Variants in VRK1 observed in about 807,000 individuals in gnomAD.
The protein encoded by VRK1 is serine/threonine-protein kinase VRK1.
VRK1 carries 33 observed loss-of-function variants against 57.1 expected under a neutral mutation model. The observed-to-expected ratio is 0.58, with a 90% CI of 0.44 to 0.77. VRK1 has a LOEUF of 0.77. Ranked by LOEUF, VRK1 falls within the 30% of genes least tolerant of loss-of-function variation. The pLI is 0.00. For missense variants in VRK1, 413 were observed against 477.3 expected (o/e 0.87, Z 1.25); for synonymous variants, 137 against 147.8 (o/e 0.93, Z 0.53).
chr14:96,855,470 A>T (rs1888118548), intron 8 of VRK1, 114 bp downstream of exon 8: 7 of 1,516,890 alleles, frequency 4.6e-6, no homozygotes, highest in Non-Finnish European at 6.3e-6. Flanking sequence ...TTGAAAAGGC[A>T]CAGTGGCATG....
chr14:96,865,639 G>A (rs1180452874), intron 11 of VRK1, among the ~76,000 whole-genome samples: 1 of 152,148 alleles, frequency 6.6e-6, no homozygotes, highest in Non-Finnish European at 1.5e-5. Context: ...CATAGCCATA[G>A]TAGGCCCCTA....
intron 11 of VRK1, among the ~76,000 whole-genome samples, chr14:96,861,264 A>G (rs1595681336): frequency 6.6e-6 from 1 of 152,192 alleles, no homozygotes; most frequent in South Asian, 2.1e-4. Flanking sequence ...GAAATGTTAA[A>G]TAATGAACTT....
At chr14:96,856,499 T>A (rs780364595) in intron 9 of VRK1, 29 bp from the exon 10 acceptor site, 1 of 1,580,416 alleles carries the variant, frequency 6.3e-7, no homozygotes, top group Admixed American at 1.7e-5. Flanking sequence ...ACATCAAGCT[T>A]CAGTGACTCA....
chr14:96,809,353 C>T (rs779577475), intron 1 of VRK1, among the ~76,000 whole-genome samples: 12 of 152,158 alleles, frequency 7.9e-5, no homozygotes, highest in Non-Finnish European at 1.6e-4. Flanking sequence ...AAAACTACCA[C>T]AAATTACATA....
intron 3 of VRK1, among the ~76,000 whole-genome samples, chr14:96,841,919 C>A (rs748977287): frequency 6.6e-6 from 1 of 151,964 alleles, no homozygotes; most frequent in South Asian, 2.1e-4. Flanking sequence ...TTTGTAACTT[C>A]TATTTGCTTC....
At chr14:96,858,735 TG>T (rs1365533329) in intron 10 of VRK1, among the ~76,000 whole-genome samples, 20 of 152,324 alleles carry the variant, frequency 1.3e-4, no homozygotes, top group Admixed American at 6.5e-4. Flanking sequence ...TTTTTTCAAT[TG>T]TCCTTTTTGC....
chr14:96,803,558 GTCTA>G (rs1433888577), intron 1 of VRK1, among the ~76,000 whole-genome samples: 1 of 152,138 alleles, frequency 6.6e-6, no homozygotes, highest in Non-Finnish European at 1.5e-5. Flanking sequence ...TCATAAGTAT[GTCTA>G]TCTAATGTAT....
At chr14:96,813,093 G>A (rs1027437405) in intron 1 of VRK1, among the ~76,000 whole-genome samples, 9 of 152,312 alleles carry the variant, frequency 5.9e-5, no homozygotes, top group African/African-American at 1.7e-4. Context: ...GGATACCAAG[G>A]TAAGACAGGG....
chr14:96,858,072 G>C (rs1488360242), intron 10 of VRK1, among the ~76,000 whole-genome samples: 2 of 151,648 alleles, frequency 1.3e-5, no homozygotes, highest in African/African-American at 4.8e-5. Context: ...TGTTATTGTT[G>C]TTGTTTTGTT....
chr14:96,870,690 TAGG>T (rs1888786959), intron 11 of VRK1, among the ~76,000 whole-genome samples: 1 of 152,200 alleles, frequency 6.6e-6, no homozygotes, highest in Admixed American at 6.5e-5. Context: ...AAAGTGTCAT[TAGG>T]AGATTTTTCT....
chr14:96,808,035 G>GCCC (rs1555358011), intron 1 of VRK1, among the ~76,000 whole-genome samples: 1 of 103,162 alleles, frequency 9.7e-6, no homozygotes, highest in Non-Finnish European at 2.0e-5. Flanking sequence ...GTGTGTGTGT[G>GCCC]TGTGTGTGTG....
At chr14:96,834,478 C>A (rs1215958567) in intron 2 of VRK1, among the ~76,000 whole-genome samples, 1 of 152,056 alleles carries the variant, frequency 6.6e-6, no homozygotes, top group Non-Finnish European at 1.5e-5. Context: ...GGGAGAGGGC[C>A]CAGCAGTGTT....
In VRK1 at chr14:96,881,589, C is replaced by G; in HGVS notation, c.*381C>G. The G allele has an allele frequency of 5.8e-6, 1 of 173,200 alleles. No individual in the cohort carries two copies. The highest frequency in any genetic ancestry group is 1.2e-5 in the Non-Finnish European group (1 of 81,396). 10.7% of individuals were successfully genotyped at this position (173,200 alleles called of 1,614,324 possible). ...AATGCAAAGCTTAAAATAAAACTCT[C>G]TTTTGTTTGATGCAAACACACAGTA... is the stretch of plus-strand genomic sequence containing the variant. On this transcript the variant is annotated 3_prime_UTR_variant, in exon 13 of 13. Transcript: ENST00000216639.
chr14:96,862,159 G>A (rs775341317), intron 11 of VRK1, among the ~76,000 whole-genome samples: 1 of 145,370 alleles, frequency 6.9e-6, no homozygotes, highest in Non-Finnish European at 1.5e-5. Context: ...TGGAGAAAAT[G>A]TAGTTTCTGC....
intron 12 of VRK1, among the ~76,000 whole-genome samples, chr14:96,880,009 G>A (rs1296814370): frequency 3.1e-4 from 47 of 151,780 alleles, no homozygotes; most frequent in Non-Finnish European, 2.9e-5. Context: ...TTAATAGATG[G>A]CCGTGTTACA....
chr14:96,818,416 A>G (rs567834189), intron 1 of VRK1, among the ~76,000 whole-genome samples: 1 of 149,592 alleles, frequency 6.7e-6, no homozygotes, highest in Non-Finnish European at 1.5e-5. Context: ...GAAGATAGCC[A>G]CTTTCTTTTT....
intron 1 of VRK1, among the ~76,000 whole-genome samples, chr14:96,813,242 C>T (rs755170855): frequency 6.6e-6 from 1 of 152,170 alleles, no homozygotes; most frequent in African/African-American, 2.4e-5. Context: ...CTGCTCGGTG[C>T]TGACTGGGAT....
intron 10 of VRK1, among the ~76,000 whole-genome samples, chr14:96,856,969 G>GAAAAA (rs147042810): frequency 5.3e-5 from 8 of 150,858 alleles, no homozygotes; most frequent in Non-Finnish European, 8.9e-5. Context: ...CTCCGTCTCA[G>GAAAAA]AAAAAAAAAT....
At chr14:96,851,940 T>A (rs1447074121) in intron 5 of VRK1, among the ~76,000 whole-genome samples, 3 of 152,252 alleles carry the variant, frequency 2.0e-5, no homozygotes, top group Non-Finnish European at 4.4e-5. Flanking sequence ...TCATTGGAGA[T>A]GTCCTGATAC....
Sources: allele counts gnomAD v4.1 joint callset (sites outside exome capture counted in the v4.1 genomes callset), GRCh38; gene constraint gnomAD v4.1.1; transcripts MANE v1.5; gene names NCBI Gene and HGNC (gene_info 2026-07-23, HGNC 2026-07-21).